The following PHC1 variants were observed in gnomAD, a reference collection of about 807,000 sequenced individuals.
PHC1 encodes the protein polyhomeotic homolog 1, also known as polyhomeotic-like protein 1.
In PHC1, 12 loss-of-function variants were observed where a neutral mutation model predicts 104.3. The ratio of observed to expected loss-of-function variants is 0.12; its 90% CI spans 0.07 to 0.19. PHC1 has a LOEUF of 0.19. Ranked by LOEUF, PHC1 falls within the 10% of genes least tolerant of loss-of-function variation. The probability of loss-of-function intolerance (pLI) is 1.00; values close to 1 mark genes in which losing one functional copy is unlikely to be tolerated. For missense variants in PHC1, 671 were observed against 1,200.0 expected, an observed-to-expected ratio of 0.56 and a Z score of 6.51; for synonymous variants, 302 against 455.8, an observed-to-expected ratio of 0.66 and a Z score of 4.30.
At chr12:8,924,134 G>C (rs1945448740) in intron 6 of PHC1, among the ~76,000 whole-genome samples, 1 of 152,090 alleles carries the variant, frequency 6.6e-6, no homozygotes, top group South Asian at 2.1e-4. Context: ...AATTTTGCAG[G>C]ATTAAAAAAT....
rs1945728774 is a variant in PHC1, at chr12:8,932,823, A to G, written c.1366A>G (p.Thr456Ala). Residue 456 changes from threonine to alanine, a missense_variant, in exon 8 of 15, where the codon ACT becomes GCT. Around this residue, in one of 9 missense-constraint regions of PHC1, gnomAD observed 26 missense variants for 130.8 expected, o/e 0.20. Transcript: ENST00000544916. ...CCCTCAGCCACCACAGGTCCCACCT[A>G]CTCAGCAGGTCCCACCTTCCCAGTC... ...TAPQPPQVPP[T>A]QQVPPSQSQQ... is the part of the protein sequence containing the mutation. The G allele has an allele frequency of 1.4e-6, 2 of 1,404,382 alleles. No homozygotes were observed. Among genetic ancestry groups the G allele is most frequent in the East Asian group, 2.3e-5 (1 of 43,792 alleles). 87.0% of individuals were successfully genotyped at this position (1,404,382 alleles called of 1,614,324 possible).
chr12:8,920,222 T>C (rs951675145), intron 3 of PHC1, among the ~76,000 whole-genome samples: 7 of 152,246 alleles, frequency 4.6e-5, no homozygotes, highest in Admixed American at 4.6e-4. Flanking sequence ...ATATCAGTAA[T>C]TTAAAAATAT....
At position 8,928,208 on chromosome 12, in the gene PHC1, A is replaced by G. The variant is rs771606939; in HGVS notation, c.613-2227A>G. Among the ~76,000 whole-genome samples the G allele has an allele frequency of 3.9e-5, 6 of 152,086 alleles. No homozygotes were observed. In the South Asian group the frequency reaches 1.0e-3, roughly 26 times the overall value. On this transcript the variant is annotated intron_variant, in intron 6 of 14. Coordinates refer to ENST00000544916, the MANE Select transcript of PHC1 (RefSeq NM_004426.3). ...TAGGCGTGAGCCACTGCACCGGCCT[A>G]TTGTACTAGATTTCTACATGGTCTT...
At chr12:8,927,913 C>CTTTTTTTT (rs752930257) in intron 6 of PHC1, among the ~76,000 whole-genome samples, 2 of 35,742 alleles carry the variant, frequency 5.6e-5, no homozygotes, top group Admixed American at 2.9e-4. Context: ...TTCTTTCTTT[C>CTTTTTTTT]TTTTTTTTTT....
At chr12:8,932,248 A>T (rs1214502900) in intron 7 of PHC1, among the ~76,000 whole-genome samples, 1 of 152,236 alleles carries the variant, frequency 6.6e-6, no homozygotes, top group Admixed American at 6.5e-5. Flanking sequence ...TTCTTTGCTG[A>T]GTACAGAGTA....
In PHC1 at chr12:8,919,169, C is replaced by T. The variant is rs1945285384; in HGVS notation, c.115-587C>T. Among the ~76,000 whole-genome samples, 1 of 152,198 alleles carries T rather than the reference C, an allele frequency of 6.6e-6. No individual in the cohort carries two copies. The highest frequency in any genetic ancestry group is 2.4e-5 in the African/African-American group (1 of 41,430). ...CTGCCTCCCAGGTTCAAGCAATTCTCCTACCTCAGCCTCCCTAGTAGTTGG... is the reference window on the plus strand; with the variant it reads ...CTGCCTCCCAGGTTCAAGCAATTCTTCTACCTCAGCCTCCCTAGTAGTTGG... On this transcript the variant is annotated intron_variant, in intron 2 of 14. Coordinates refer to ENST00000544916, the MANE Select transcript of PHC1 (RefSeq NM_004426.3). The surrounding 1 kb of genome is among the most constrained non-coding windows in gnomAD (Gnocchi z 4.9).
chr12:8,937,690 T>C, intron 13 of PHC1, 139 bp from the exon 14 acceptor site: 2 of 654,514 alleles, frequency 3.1e-6, no homozygotes, highest in Non-Finnish European at 5.4e-6. Context: ...ATTTTGGGAA[T>C]TTGCAAATAA....
chr12:8,934,182 A>G lies in PHC1; in HGVS notation c.2042-85A>G, dbSNP rs774687780. 3 of 1,303,918 alleles carry G rather than the reference A, an allele frequency of 2.3e-6. No homozygotes were observed. The South Asian group carries it at 3.9e-5, about 17-fold the overall frequency. 80.8% of individuals were successfully genotyped at this position (1,303,918 alleles called of 1,614,324 possible). A position where few individuals can be genotyped will look rare whatever the true frequency, so the allele number is the denominator to read the frequency against. On this transcript the variant is annotated intron_variant, in intron 9 of 14. Coordinates refer to ENST00000544916, the MANE Select transcript of PHC1 (RefSeq NM_004426.3). ...GAATTGTCAAGGGTGGACATAGATT[A>G]TTATGGAAGATCATGCTGGCTCAAC...
rs191606357 is a variant in PHC1, at chr12:8,919,131, C to T, written c.115-625C>T. ...CTGCAGTGCAATGGCGCAATCTCATCTCACTGCAACCTCTGCCTCCCAGGT... is the reference window on the plus strand; with the variant it reads ...CTGCAGTGCAATGGCGCAATCTCATTTCACTGCAACCTCTGCCTCCCAGGT... On this transcript the variant is annotated intron_variant, in intron 2 of 14. Coordinates refer to ENST00000544916, the MANE Select transcript of PHC1 (RefSeq NM_004426.3). This position sits in a 1 kb window ranked among gnomAD's most constrained non-coding sequence, Gnocchi z 4.9. Among the ~76,000 whole-genome samples, 3 of 152,348 alleles carry T rather than the reference C, an allele frequency of 2.0e-5. No individual in the cohort carries two copies.
chr12:8,921,083 C>T lies in PHC1; in HGVS notation c.306+18C>T, dbSNP rs1204994181. 2 of 1,561,512 alleles carry T rather than the reference C, an allele frequency of 1.3e-6. No homozygotes were observed. Among genetic ancestry groups the T allele is most frequent in the East Asian group, 2.2e-5 (1 of 44,498 alleles). On this transcript the variant is annotated intron_variant, in intron 4 of 14. Coordinates refer to ENST00000544916, the MANE Select transcript of PHC1 (RefSeq NM_004426.3). ...AGGCCTCGGTGAGTACGCCCTCTCCCACTGAGAGGCTTCTCTACCTGGGTC... is the reference window on the plus strand; with the variant it reads ...AGGCCTCGGTGAGTACGCCCTCTCCTACTGAGAGGCTTCTCTACCTGGGTC...
At chr12:8,935,716 T>C (rs1945817802) in intron 11 of PHC1, among the ~76,000 whole-genome samples, 1 of 152,072 alleles carries the variant, frequency 6.6e-6, no homozygotes, top group Non-Finnish European at 1.5e-5. Context: ...AGGAATTACA[T>C]AAGGTGAGGG....
chr12:8,939,139 C>G (rs1358303174), intron 14 of PHC1, among the ~76,000 whole-genome samples, 166 bp from the exon 15 acceptor site: 1 of 152,158 alleles, frequency 6.6e-6, no homozygotes, highest in Non-Finnish European at 1.5e-5. Flanking sequence ...TTTTAAATAC[C>G]AGTTGCTTTC....
chr12:8,917,744 C>G lies in PHC1; in HGVS notation c.67C>G (p.Arg23Gly). Residue 23 changes from arginine to glycine, a missense_variant, in exon 2 of 15, where the codon CGG (arginine) becomes GGG (glycine). Physicochemically the swap from Arg to Gly is moderately radical, Grantham distance 125 (BLOSUM62 -2). Around this residue, in one of 9 missense-constraint regions of PHC1, gnomAD observed 237 missense variants for 331.1 expected, o/e 0.72. Coordinates refer to ENST00000544916, the MANE Select transcript of PHC1 (RefSeq NM_004426.3). ...GAGTTCTAGCTCAGGGGGCAGCTCT[C>G]GGCCCCAGATAGCTCAAATGTCACT... Reference protein sequence around the residue: ...NGSSSSGGSSRPQIAQMSLYE... With the variant: ...NGSSSSGGSSGPQIAQMSLYE... The G allele has an allele frequency of 1.9e-6, 3 of 1,577,054 alleles. No individual in the cohort carries two copies. Among genetic ancestry groups the G allele is most frequent in the East Asian group, 2.5e-5 (1 of 40,776 alleles).
At position 8,933,240 on chromosome 12, in the gene PHC1, C is replaced by G. The variant is rs1190762895; in HGVS notation, c.1783C>G (p.Leu595Val). ...CPPTLAPGMT[L>V]APVQGTAHVV... ...TCCCACATTGGCCCCTGGGATGACCCTTGCTCCTGTGCAGGGGACAGCACA... is the reference window on the plus strand; with the variant it reads ...TCCCACATTGGCCCCTGGGATGACCGTTGCTCCTGTGCAGGGGACAGCACA... The change falls in exon 8 of 15, where the codon CTT (leucine) becomes GTT (valine). Residue 595 changes from leucine (L) to valine (V), a missense_variant. This residue lies in a region of PHC1 where 26 missense variants were observed against 130.8 expected (regional missense o/e 0.20). Transcript: ENST00000544916. 6.0e-6 allele frequency: 9 copies of G among 1,496,158 alleles called. No homozygotes were observed. In the South Asian group the frequency reaches 1.2e-4, roughly 19 times the overall value. The allele number at this position is 1,496,158 out of a possible 1,614,324, so 92.7% of individuals were successfully genotyped here.
At chr12:8,936,753 G>A (rs937240151) in intron 11 of PHC1, 103 bp from the exon 12 acceptor site, 2 of 782,784 alleles carry the variant, frequency 2.6e-6, no homozygotes, top group Admixed American at 2.1e-5. Flanking sequence ...GGTTTTTGGG[G>A]GTGAACCCTG....
At chr12:8,915,072 T>G (rs1270752524) in intron 1 of PHC1, 2 of 152,682 alleles carry the variant, frequency 1.3e-5, no homozygotes, top group Non-Finnish European at 2.9e-5. Context: ...CTGCTCATTT[T>G]CTTATTCATT....
At chr12:8,936,758 A>C (rs1405023625) in intron 11 of PHC1, 98 bp from the exon 12 acceptor site, 3 of 808,858 alleles carry the variant, frequency 3.7e-6, no homozygotes, top group African/African-American at 3.4e-5. Context: ...TTGGGGGTGA[A>C]CCCTGAGAAT....
At chr12:8,930,354 A>G (rs1945646511) in intron 6 of PHC1, 81 bp from the exon 7 acceptor site, 1 of 1,540,140 alleles carries the variant, frequency 6.5e-7, no homozygotes, top group Non-Finnish European at 8.8e-7. Context: ...ACGACACAAT[A>G]GCAGTCCTGG....
chr12:8,935,756 A>G (rs1402988993), intron 11 of PHC1, among the ~76,000 whole-genome samples: 1 of 151,818 alleles, frequency 6.6e-6, no homozygotes, highest in Non-Finnish European at 1.5e-5. Flanking sequence ...AATCTTTTGA[A>G]TTATTATTAT....
Sources: gnomAD v4.1 joint callset for allele counts (sites outside exome capture counted in the v4.1 genomes callset) on GRCh38, gnomAD v4.1.1 for gene constraint, gnomAD v4.1.1 regional missense constraint, Gnocchi (gnomAD v3.1) non-coding constraint, MANE v1.5 for transcripts, NCBI Gene and HGNC (gene_info 2026-07-23, HGNC 2026-07-21) for gene names.